The following ZHX1 variants were observed in gnomAD, a reference collection of about 807,000 sequenced individuals.
ZHX1 encodes zinc fingers and homeoboxes 1, also known as zinc fingers and homeoboxes protein 1.
Under a neutral mutation model 61.8 loss-of-function variants are expected in ZHX1, and 20 were observed. The observed-to-expected ratio is 0.32, with a 90% CI of 0.23 to 0.47. The LOEUF is 0.47. ZHX1 is among the 20% of genes least tolerant of loss of function. The probability of loss-of-function intolerance (pLI) is 1.00; values close to 1 mark genes in which losing one functional copy is unlikely to be tolerated. For synonymous variants in ZHX1, 318 were observed against 352.6 expected (o/e 0.90, Z 1.10); for missense variants, 800 against 1,034.8 (o/e 0.77, Z 3.11).
intron 2 of ZHX1, among the ~76,000 whole-genome samples, chr8:123,266,678 T>G (rs1339405377): frequency 6.6e-6 from 1 of 152,162 alleles, no homozygotes; most frequent in Non-Finnish European, 1.5e-5. Flanking sequence ...ATAACAAGGT[T>G]TGAGAAAGGC....
chr8:123,261,449 T>C (rs186412685), intron 2 of ZHX1, among the ~76,000 whole-genome samples: 26 of 148,154 alleles, frequency 1.8e-4, no homozygotes, highest in African/African-American at 6.1e-4. Flanking sequence ...GATTCTTCAA[T>C]TCAACAAATT....
At chr8:123,251,537 A>G (rs775684453) in intron 3 of ZHX1, among the ~76,000 whole-genome samples, 10 of 152,062 alleles carry the variant, frequency 6.6e-5, no homozygotes, top group Non-Finnish European at 1.2e-4. Flanking sequence ...AAAAATTCAC[A>G]TTATTTTTGG....
intron 1 of ZHX1, 42 bp from the exon 2 acceptor site, chr8:123,267,428 C>T: frequency 1.8e-6 from 1 of 565,198 alleles, no homozygotes; most frequent in Non-Finnish European, 2.7e-6. Context: ...TATAATTTAG[C>T]CTTAGTCAGG....
At chr8:123,268,954 A>C (rs1826554840) in intron 1 of ZHX1, among the ~76,000 whole-genome samples, 1 of 152,244 alleles carries the variant, frequency 6.6e-6, no homozygotes, top group African/African-American at 2.4e-5. Flanking sequence ...CCAGTCCTTT[A>C]GTAAAATACC....
intron 1 of ZHX1, among the ~76,000 whole-genome samples, chr8:123,271,898 C>T (rs1023931746): frequency 4.6e-5 from 7 of 152,224 alleles, no homozygotes; most frequent in Admixed American, 3.9e-4. Context: ...AAGAAATCCA[C>T]TAATGAGTGT....
At chr8:123,274,471 C>A (rs1197183907), upstream of ZHX1, 2 of 152,048 alleles carry the variant, frequency 1.3e-5, no homozygotes, top group Non-Finnish European at 2.9e-5. Context: ...AAGGCGGGGC[C>A]CTCCCGCGCG....
chr8:123,253,414 G>A lies in ZHX1; in HGVS notation c.2533C>T (p.Gln845Ter). Residue 845 changes from glutamine (Q) to a stop codon, truncating the protein, a stop_gained, in exon 3 of 4, where the codon CAG becomes TAG. Transcript: ENST00000395571. LOFTEE classifies it high-confidence loss of function. ...NEEEDEVIDDQEEDEEETDDS... is the reference protein window; with the variant it reads ...NEEEDEVIDD ...TCTGTTTCTTCTTCATCCTCTTCCT[G>A]GTCATCAATAACTTCATCTTCCTCC... 1 of 1,613,902 alleles carries A rather than the reference G, an allele frequency of 6.2e-7. No individual in the cohort carries two copies. The highest frequency in any genetic ancestry group is 8.5e-7 in the Non-Finnish European group (1 of 1,179,962).
In ZHX1 at chr8:123,255,697, T is replaced by C. The variant is rs748203625; in HGVS notation, c.250A>G (p.Met84Val). ...TCCGAATCCACATGAAAAGTAAACA[T>C]ATTTAGATCTGGAGTTTGAAAAGTA... is the stretch of plus-strand genomic sequence containing the variant. ...YCTFQTPDLNMFTFHVDSEHP... is the reference protein window; with the variant it reads ...YCTFQTPDLNVFTFHVDSEHP... Residue 84 changes from methionine (M) to valine (V), a missense_variant, in exon 3 of 4, where the codon ATG (methionine) becomes GTG (valine). Transcript: ENST00000395571. 14 of 1,613,722 alleles carry C rather than the reference T, an allele frequency of 8.7e-6. No individual in the cohort carries two copies. The highest frequency in any genetic ancestry group is 1.3e-5 in the African/African-American group (1 of 74,926).
rs140703212 is a variant in ZHX1 at position 123,255,440 on chromosome 8, T to C, written c.507A>G (p.Thr169=). The C allele has an allele frequency of 4.2e-5, 67 of 1,613,278 alleles. No homozygotes were observed. The African/African-American group carries it at 8.5e-4, about 21-fold the overall frequency. The change falls in exon 3 of 4, where the codon ACA becomes ACG. Residue 169 remains threonine, a synonymous_variant. Transcript: ENST00000395571. ...TAGATATTCCCGAAGAAGAAACTTC[T>C]GTAGATTCTGCTTGCTCTGCATTCT... ...KEENAEQAES[T]EVSSSGISIS...
chr8:123,253,625 T>C lies in ZHX1; in HGVS notation c.2322A>G (p.Ser774=). 1 of 1,614,220 alleles carries C rather than the reference T, an allele frequency of 6.2e-7. No individual in the cohort carries two copies. Among genetic ancestry groups the C allele is most frequent in the East Asian group, 2.2e-5 (1 of 44,880 alleles). Residue 774 remains serine, a synonymous_variant, in exon 3 of 4, where the codon TCA becomes TCG. Transcript: ENST00000395571. ...KRINNWDRGP[S]LIKFKTGTAI... ...CAGTTCCAGTTTTAAATTTTATGAG[T>C]GATGGTCCCCTGTCCCAGTTGTTAA...
Position 123,255,993 on chromosome 8 carries a change from G to T in ZHX1, c.-47C>A, listed in dbSNP as rs774904640. 3.3e-6 allele frequency: 5 copies of T among 1,513,750 alleles called. No homozygotes were observed. The African/African-American group carries it at 5.6e-5, about 17-fold the overall frequency. 93.8% of individuals were successfully genotyped at this position (1,513,750 alleles called of 1,614,324 possible). On this transcript the variant is annotated 5_prime_UTR_variant, in exon 3 of 4. Transcript: ENST00000395571. ...TCAGTGGTGATTAAAAAGCATCGAG[G>T]CTTAAAACTGTTCAGTGTTCTTCAT...
chr8:123,261,245 A>T (rs891827776), intron 2 of ZHX1, among the ~76,000 whole-genome samples: 1 of 152,242 alleles, frequency 6.6e-6, no homozygotes, highest in Non-Finnish European at 1.5e-5. Context: ...TTATAAAGTC[A>T]TAAGTTTGGA....
chr8:123,249,799 T>C lies in ZHX1; in HGVS notation c.*525A>G, dbSNP rs1825867537. 1 of 152,102 alleles carries C rather than the reference T, an allele frequency of 6.6e-6. No homozygotes were observed. The highest frequency in any genetic ancestry group is 1.5e-5 in the Non-Finnish European group (1 of 68,074). 9.4% of individuals were successfully genotyped at this position (152,102 alleles called of 1,614,324 possible). On this transcript the variant is annotated 3_prime_UTR_variant, in exon 4 of 4. Coordinates refer to ENST00000395571, the MANE Select transcript of ZHX1 (RefSeq NM_007222.5). ...GCCCATGCACAACTTTTAATCTTAG[T>C]GCAGGGTCTGATAAATAAGACATAG...
At chr8:123,265,808 A>G (rs1826437790) in intron 2 of ZHX1, among the ~76,000 whole-genome samples, 3 of 152,234 alleles carry the variant, frequency 2.0e-5, no homozygotes, top group Non-Finnish European at 4.4e-5. Flanking sequence ...AAAAATAATA[A>G]AAGTGAAAGC....
Position 123,255,805 on chromosome 8 carries a change from T to G in ZHX1, c.142A>C (p.Ser48Arg). 2 of 1,614,188 alleles carry G rather than the reference T, an allele frequency of 1.2e-6. No individual in the cohort carries two copies. Among genetic ancestry groups the G allele is most frequent in the Non-Finnish European group, 1.7e-6 (2 of 1,180,038 alleles). Residue 48 changes from serine to arginine, a missense_variant, in exon 3 of 4, where the codon AGT (serine) becomes CGT (arginine). Ser to Arg is a moderately radical substitution (Grantham distance 110, BLOSUM62 -1). Coordinates refer to ENST00000395571, the MANE Select transcript of ZHX1 (RefSeq NM_007222.5). ...ACAGATTCATGAACCTCTTCATCAC[T>G]TGAGATACTCTCTGCTCTGGTGTTT... Reference protein sequence around the residue: ...VENTRAESISSDEEVHESVDS... With the variant: ...VENTRAESISRDEEVHESVDS...
intron 1 of ZHX1, among the ~76,000 whole-genome samples, chr8:123,272,986 TC>T (rs1390142704): frequency 2.6e-5 from 4 of 152,088 alleles, no homozygotes; most frequent in Non-Finnish European, 5.9e-5. Context: ...TTTTTTTTTT[TC>T]TAATAGCTGG....
chr8:123,257,715 G>T (rs1039290492), intron 2 of ZHX1, among the ~76,000 whole-genome samples: 1 of 152,216 alleles, frequency 6.6e-6, no homozygotes, highest in Non-Finnish European at 1.5e-5. Flanking sequence ...GCTCCTATGA[G>T]AATCTAATGC....
chr8:123,255,831 T>C lies in ZHX1; in HGVS notation c.116A>G (p.Glu39Gly), dbSNP rs1186996567. 6.2e-7 allele frequency: 1 copy of C among 1,614,206 alleles called. No individual in the cohort carries two copies. The highest frequency in any genetic ancestry group is 1.3e-5 in the African/African-American group (1 of 75,062). ...TGAGATACTCTCTGCTCTGGTGTTT[T>C]CTACAGGTGTAAGCACAGGAGGACC... Reference protein sequence around the residue: ...DEGPPVLTPVENTRAESISSD... With the variant: ...DEGPPVLTPVGNTRAESISSD... Residue 39 changes from glutamate (E) to glycine (G), a missense_variant, in exon 3 of 4, where the codon GAA becomes GGA. Glu to Gly is a moderately conservative substitution (Grantham distance 98). Coordinates refer to ENST00000395571, the MANE Select transcript of ZHX1 (RefSeq NM_007222.5).
Position 123,254,514 on chromosome 8 carries a change from T to A in ZHX1, c.1433A>T (p.Glu478Val), listed in dbSNP as rs763584091. 6.2e-7 allele frequency: 1 copy of A among 1,613,924 alleles called. No individual in the cohort carries two copies. The highest frequency in any genetic ancestry group is 2.2e-5 in the East Asian group (1 of 44,892). The change falls in exon 3 of 4, where the codon GAA becomes GTA. Residue 478 changes from glutamate (E) to valine (V), a missense_variant. Physicochemically the swap from Glu to Val is moderately radical, Grantham distance 121. Coordinates refer to ENST00000395571, the MANE Select transcript of ZHX1 (RefSeq NM_007222.5). This position sits in a 1 kb window ranked among gnomAD's most constrained non-coding sequence, Gnocchi z 4.1. ...ATTTTTAAGGTAGCTAACTTTTAATTCTGCCAGTTGCTCTTTTGTCTTTTT... is the reference window on the plus strand; with the variant it reads ...ATTTTTAAGGTAGCTAACTTTTAATACTGCCAGTTGCTCTTTTGTCTTTTT... ...RAKKTKEQLAELKVSYLKNQF... is the reference protein window; with the variant it reads ...RAKKTKEQLAVLKVSYLKNQF...
Sources: gnomAD v4.1 joint callset for allele counts (sites outside exome capture counted in the v4.1 genomes callset) on GRCh38, gnomAD v4.1.1 for gene constraint, Gnocchi (gnomAD v3.1) non-coding constraint, MANE v1.5 for transcripts, NCBI Gene and HGNC (gene_info 2026-07-23, HGNC 2026-07-21) for gene names.